TLDC2: variants seen among roughly 807,000 people sequenced by gnomAD.
TLDC2 encodes TLD domain-containing protein 2.
In TLDC2, 23 loss-of-function variants were observed where a neutral mutation model predicts 27.9. That is an observed-to-expected ratio of 0.82 (90% CI 0.59 to 1.17). The LOEUF (loss-of-function observed/expected upper bound fraction) is 1.17, where lower values mean the gene tolerates loss of function less well. TLDC2 is among the 50% of genes most tolerant of loss of function. The probability of loss-of-function intolerance (pLI) is 0.00; values close to 1 mark genes in which losing one functional copy is unlikely to be tolerated. For missense variants in TLDC2, 286 were observed against 273.4 expected, an observed-to-expected ratio of 1.05 and a Z score of -0.32; for synonymous variants, 124 against 107.4, an observed-to-expected ratio of 1.16 and a Z score of -0.96.
chr20:36,877,998 A>G lies in TLDC2; in HGVS notation c.133A>G (p.Thr45Ala). The change falls in exon 2 of 7, where the codon ACG (threonine) becomes GCG (alanine). Residue 45 changes from threonine to alanine, a missense_variant. Physicochemically the swap from Thr to Ala is moderately conservative, Grantham distance 58. Transcript: ENST00000217320. Reference protein sequence around the residue: ...PDPAAAPEDPTVPQLTEASQV... With the variant: ...PDPAAAPEDPAVPQLTEASQV... The stretch of plus-strand genomic sequence containing the variant: ...CCCAGCTGCTGCTCCTGAGGATCCC[A>G]CGGTGCCCCAGCTGACAGAAGCCAG... 1 of 1,614,124 alleles carries G rather than the reference A, an allele frequency of 6.2e-7. No individual in the cohort carries two copies. The highest frequency in any genetic ancestry group is 8.5e-7 in the Non-Finnish European group (1 of 1,179,984).
At chr20:36,888,704 CAAAAAAAAAA>C (rs35828858) in intron 5 of TLDC2, among the ~76,000 whole-genome samples, 7 of 62,766 alleles carry the variant, frequency 1.1e-4, no homozygotes, top group East Asian at 1.1e-3. Context: ...AGACTCCTAT[CAAAAAAAAAA>C]AAAAAAAAAA....
intron 6 of TLDC2, chr20:36,889,909 A>ATGTGTGTGTG (rs145364344): frequency 3.3e-5 from 5 of 150,366 alleles, no homozygotes; most frequent in African/African-American, 4.9e-5. Context: ...TGTTCCATGA[A>ATGTGTGTGTG]TGTGTGTGTG....
At chr20:36,876,125 G>A (rs1230335450), upstream of TLDC2, 3 of 1,613,446 alleles carry the variant, frequency 1.9e-6, no homozygotes, top group Admixed American at 5.0e-5. Context: ...TTCCTGGGCA[G>A]GGCTGAGGAT....
intron 5 of TLDC2, among the ~76,000 whole-genome samples, chr20:36,888,537 T>C (rs1347000620): frequency 6.6e-6 from 1 of 150,378 alleles, no homozygotes; most frequent in African/African-American, 2.5e-5. Context: ...AAACCCCATC[T>C]CTACTAAAAA....
intron 3 of TLDC2, among the ~76,000 whole-genome samples, chr20:36,879,689 A>G (rs959918148): frequency 6.6e-6 from 1 of 151,910 alleles, no homozygotes; most frequent in Non-Finnish European, 1.5e-5. Flanking sequence ...CCCAAAACCA[A>G]AACCAAAAAC....
intron 6 of TLDC2, chr20:36,890,437 T>TTCCTTCCTTCCC (rs1601105624): frequency 1.3e-5 from 2 of 151,260 alleles, no homozygotes; most frequent in South Asian, 4.2e-4. Context: ...CTCTCTTTCC[T>TTCCTTCCTTCCC]TCCTTCCTTC....
At position 36,893,873 on chromosome 20, in the gene TLDC2, C is replaced by T. The variant is rs190561293; in HGVS notation, c.*1029C>T. On this transcript the variant is annotated 3_prime_UTR_variant, in exon 7 of 7. Transcript: ENST00000217320. ...TACTCCGGTAAATTACATTTCTCAG[C>T]TCCCATGCCTGTTGGTTTCCAGTTA... The T allele has an allele frequency of 1.0e-5, 4 of 398,660 alleles. No homozygotes were observed. The East Asian group carries it at 1.1e-4, about 11-fold the overall frequency. 24.7% of individuals were successfully genotyped at this position (398,660 alleles called of 1,614,324 possible).
chr20:36,883,041 A>C (rs1477353101), intron 4 of TLDC2, among the ~76,000 whole-genome samples: 1 of 151,636 alleles, frequency 6.6e-6, no homozygotes, highest in African/African-American at 2.4e-5. Context: ...ACAGCTCTCC[A>C]TGCTGCCTGT....
At chr20:36,889,606 C>T in intron 6 of TLDC2, 1 of 513,616 alleles carries the variant, frequency 1.9e-6, no homozygotes, top group Non-Finnish European at 3.3e-6. Flanking sequence ...ACGCTTACAC[C>T]TTACTCAAGC....
At chr20:36,883,287 C>T (rs1989853180) in intron 4 of TLDC2, among the ~76,000 whole-genome samples, 1 of 152,060 alleles carries the variant, frequency 6.6e-6, no homozygotes, top group Non-Finnish European at 1.5e-5. Flanking sequence ...CAGGCACATG[C>T]CACCATGCCT....
At chr20:36,885,048 T>A (rs1601099953) in intron 4 of TLDC2, among the ~76,000 whole-genome samples, 1 of 152,056 alleles carries the variant, frequency 6.6e-6, no homozygotes, top group East Asian at 2.0e-4. Context: ...AGCTAATTTT[T>A]GTATTTTTAG....
Position 36,893,050 on chromosome 20 carries a change from G to T in TLDC2, c.*206G>T. The stretch of plus-strand genomic sequence containing the variant: ...CTTTTTTTGAGGTGTTATGAGTGGG[G>T]CTATAACATCGCCATCCTATTAGGA... On this transcript the variant is annotated 3_prime_UTR_variant, in exon 7 of 7. Transcript: ENST00000217320. 6.2e-7 allele frequency: 1 copy of T among 1,613,472 alleles called. No individual in the cohort carries two copies. The highest frequency in any genetic ancestry group is 8.5e-7 in the Non-Finnish European group (1 of 1,179,980).
intron 5 of TLDC2, 39 bp from the exon 6 acceptor site, chr20:36,889,212 C>T (rs774355011): frequency 1.1e-5 from 18 of 1,605,738 alleles, no homozygotes; most frequent in Non-Finnish European, 1.5e-5. Context: ...TTTCAGCACA[C>T]AGGAGTGAGC....
intron 2 of TLDC2, among the ~76,000 whole-genome samples, chr20:36,878,451 T>G (rs761441261): frequency 6.6e-6 from 1 of 152,062 alleles, no homozygotes; most frequent in South Asian, 2.1e-4. Context: ...TGTGGTGGTG[T>G]GCACCTGTAG....
Position 36,877,972 on chromosome 20 carries a change from A to G in TLDC2, c.107A>G (p.Asp36Gly), listed in dbSNP as rs1330547086. 2 of 1,614,072 alleles carry G rather than the reference A, an allele frequency of 1.2e-6. No individual in the cohort carries two copies. Among genetic ancestry groups the G allele is most frequent in the Admixed American group, 3.3e-5 (2 of 60,016 alleles). ...EEEEEEEAAP[D>G]PAAAPEDPTV... is the part of the protein sequence containing the mutation. ...GAAGAGGAGGAGGAGGCAGCTCCAG[A>G]CCCAGCTGCTGCTCCTGAGGATCCC... The change falls in exon 2 of 7, where the codon GAC (aspartate) becomes GGC (glycine). Residue 36 changes from aspartate to glycine, a missense_variant. Asp to Gly is a moderately conservative substitution (Grantham distance 94). Transcript: ENST00000217320.
chr20:36,889,962 G>C (rs529450390), intron 6 of TLDC2: 1 of 152,282 alleles, frequency 6.6e-6, no homozygotes, highest in South Asian at 2.1e-4. Context: ...TACTCTGTAT[G>C]TGTGGAAATG....
chr20:36,878,140 C>A, intron 2 of TLDC2, 86 bp downstream of exon 2: 2 of 1,411,864 alleles, frequency 1.4e-6, no homozygotes, highest in Non-Finnish European at 1.9e-6. Context: ...CGCCCAGGGG[C>A]ACCTAGAGTC....
At chr20:36,883,950 C>T (rs1294144109) in intron 4 of TLDC2, among the ~76,000 whole-genome samples, 2 of 152,152 alleles carry the variant, frequency 1.3e-5, no homozygotes, top group East Asian at 1.9e-4. Context: ...AAAAATTAGC[C>T]AGACATGGTG....
rs768186522 is a variant in TLDC2, at chr20:36,878,071, TG to T, written c.189+19del. 21 of 1,604,464 alleles carry T rather than the reference TG, an allele frequency of 1.3e-5. No homozygotes were observed. Among genetic ancestry groups the T allele is most frequent in the Non-Finnish European group, 1.8e-5 (21 of 1,175,514 alleles). On this transcript the variant is annotated intron_variant, in intron 2 of 6. Coordinates refer to ENST00000217320, the MANE Select transcript of TLDC2 (RefSeq NM_080628.3). The stretch of plus-strand genomic sequence containing the variant: ...ATTCGGCAGGTCTGGGCATTGCCCA[TG>T]GCACAAGAATTTCAGCCCTAAACCT...
Sources: allele counts gnomAD v4.1 joint callset (sites outside exome capture counted in the v4.1 genomes callset), GRCh38; gene constraint gnomAD v4.1.1; transcripts MANE v1.5; gene names NCBI Gene and HGNC (gene_info 2026-07-23, HGNC 2026-07-21).